The following CLEC16A variants were observed in gnomAD, a reference collection of about 807,000 sequenced individuals.
CLEC16A encodes C-type lectin domain containing 16A.
CLEC16A carries 51 observed loss-of-function variants against 109.5 expected under a neutral mutation model. The ratio of observed to expected loss-of-function variants is 0.47; its 90% CI spans 0.37 to 0.59. The LOEUF (loss-of-function observed/expected upper bound fraction) is 0.59, where lower values mean the gene tolerates loss of function less well. CLEC16A is among the 20% of genes least tolerant of loss of function. CLEC16A has a pLI of 0.00. For missense variants in CLEC16A, 1,339 were observed against 1,394.0 expected (o/e 0.96, Z 0.63); for synonymous variants, 673 against 564.2 (o/e 1.19, Z -2.73).
At chr16:10,980,539 G>T (rs1459286369) in intron 9 of CLEC16A, among the ~76,000 whole-genome samples, 3 of 152,042 alleles carry the variant, frequency 2.0e-5, no homozygotes, top group Non-Finnish European at 4.4e-5. Flanking sequence ...CCCGGGCAGG[G>T]TCTCCTCCAG....
chr16:11,041,333 T>G (rs750382444), intron 14 of CLEC16A: 1 of 152,262 alleles, frequency 6.6e-6, no homozygotes, highest in Non-Finnish European at 1.5e-5. Flanking sequence ...AGAGCTCTCT[T>G]GGTCTTGACA....
In CLEC16A at chr16:11,166,317, G is replaced by A. The variant is rs1196840413; in HGVS notation, c.2642-71G>A. 16 of 1,486,746 alleles carry A rather than the reference G, an allele frequency of 1.1e-5. No homozygotes were observed. In the Admixed American group the frequency reaches 3.0e-4, roughly 28 times the overall value. 92.1% of individuals were successfully genotyped at this position (1,486,746 alleles called of 1,614,324 possible). A position where few individuals can be genotyped will look rare whatever the true frequency, so the allele number is the denominator to read the frequency against. ...AGGAACTGAGGTTGGGTTGTTCAGT[G>A]GAACCATGACATTGAGGCCCTCAGG... is the stretch of plus-strand genomic sequence containing the variant. On this transcript the variant is annotated intron_variant, in intron 22 of 23. Transcript: ENST00000409790.
At chr16:10,987,629 G>C (rs114777970) in intron 10 of CLEC16A, among the ~76,000 whole-genome samples, 90 of 152,342 alleles carry the variant, frequency 5.9e-4, no homozygotes, top group African/African-American at 1.9e-3. Flanking sequence ...GTGTGAAGTT[G>C]AAGTTGGTTG....
At chr16:11,004,900 G>A (rs2044899502) in intron 11 of CLEC16A, among the ~76,000 whole-genome samples, 1 of 152,150 alleles carries the variant, frequency 6.6e-6, no homozygotes, top group African/African-American at 2.4e-5. Flanking sequence ...GTGGTGGGGA[G>A]GGGAAGGCCA....
intron 19 of CLEC16A, among the ~76,000 whole-genome samples, chr16:11,097,038 A>T (rs1036738922): frequency 4.6e-5 from 7 of 152,212 alleles, no homozygotes; most frequent in African/African-American, 1.7e-4. Context: ...GGGCCTGCCA[A>T]GATTTAGTTT....
chr16:10,944,973 C>A (rs1035068274), intron 1 of CLEC16A, among the ~76,000 whole-genome samples, 176 bp downstream of exon 1: 4 of 152,190 alleles, frequency 2.6e-5, no homozygotes, highest in East Asian at 3.9e-4. Flanking sequence ...GAACCCTGAC[C>A]CCGTCGCTCT....
intron 22 of CLEC16A, among the ~76,000 whole-genome samples, chr16:11,163,903 A>G (rs1262765903): frequency 6.6e-6 from 1 of 152,170 alleles, no homozygotes; most frequent in African/African-American, 2.4e-5. Flanking sequence ...TTAAGGGGTA[A>G]TTCATTTTCG....
intron 20 of CLEC16A, among the ~76,000 whole-genome samples, chr16:11,122,498 C>G (rs1412119316): frequency 6.6e-6 from 1 of 152,204 alleles, no homozygotes; most frequent in African/African-American, 2.4e-5. Context: ...TGGCCGTCTT[C>G]CAATGGGTGC....
At chr16:11,039,133 G>T (rs1430943118) in intron 13 of CLEC16A, among the ~76,000 whole-genome samples, 1 of 152,074 alleles carries the variant, frequency 6.6e-6, no homozygotes. Context: ...AGTGAGTTGT[G>T]CTATGGGATG....
intron 11 of CLEC16A, among the ~76,000 whole-genome samples, chr16:11,005,755 C>T (rs996319640): frequency 6.6e-6 from 1 of 152,080 alleles, no homozygotes; most frequent in African/African-American, 2.4e-5. Context: ...TCCTGTGAGT[C>T]GGAAGGGTGT....
At chr16:11,052,951 T>C (rs2048028544) in intron 18 of CLEC16A, among the ~76,000 whole-genome samples, 1 of 152,098 alleles carries the variant, frequency 6.6e-6, no homozygotes, top group South Asian at 2.1e-4. Context: ...TGGAGTGCAG[T>C]GTTGCGATCA....
intron 22 of CLEC16A, among the ~76,000 whole-genome samples, chr16:11,139,431 C>G (rs1200727491): frequency 1.3e-5 from 2 of 152,212 alleles, no homozygotes; most frequent in South Asian, 4.1e-4. Flanking sequence ...ATGCTTTTCT[C>G]CAAAAACACA....
At chr16:10,999,736 A>G (rs1439052113) in intron 10 of CLEC16A, among the ~76,000 whole-genome samples, 3 of 152,082 alleles carry the variant, frequency 2.0e-5, no homozygotes, top group Non-Finnish European at 4.4e-5. Context: ...TCATTCTTGC[A>G]GCTGATTTTT....
At chr16:11,007,197 GC>G (rs2045078176) in intron 11 of CLEC16A, among the ~76,000 whole-genome samples, 1 of 152,142 alleles carries the variant, frequency 6.6e-6, no homozygotes. Flanking sequence ...CACCTTCAAA[GC>G]CTACTCATTT....
At chr16:11,125,064 A>C (rs542648413) in intron 21 of CLEC16A, among the ~76,000 whole-genome samples, 6 of 152,250 alleles carry the variant, frequency 3.9e-5, no homozygotes, top group African/African-American at 1.4e-4. Flanking sequence ...ACTCCATCTT[A>C]GGAGACGGGG....
chr16:11,020,150 A>C, intron 11 of CLEC16A, 43 bp from the exon 12 acceptor site: 1 of 1,565,796 alleles, frequency 6.4e-7, no homozygotes, highest in South Asian at 1.2e-5. Context: ...TCTAGGGCTG[A>C]AAAGCTGTCT....
chr16:10,953,849 C>T (rs1281487790), intron 1 of CLEC16A, among the ~76,000 whole-genome samples: 1 of 151,996 alleles, frequency 6.6e-6, no homozygotes, highest in East Asian at 1.9e-4. Context: ...TGCTGGCGGG[C>T]GCCTGTAGTC....
rs746074749 is a variant in CLEC16A at position 10,962,425 on chromosome 16, G to T, written c.210-30G>T. The T allele has an allele frequency of 3.1e-6, 5 of 1,613,534 alleles. No individual in the cohort carries two copies. In the Admixed American group the frequency reaches 8.3e-5, roughly 27 times the overall value. On this transcript the variant is annotated intron_variant, in intron 2 of 23. Coordinates refer to ENST00000409790, the MANE Select transcript of CLEC16A (RefSeq NM_015226.3). ...TTTCTGTTTCCACATGTGGAAGCAA[G>T]CCACTGATGCTTTTCCATTCTCTCC...
chr16:10,964,560 T>G (rs1327491779), intron 3 of CLEC16A, among the ~76,000 whole-genome samples: 1 of 152,124 alleles, frequency 6.6e-6, no homozygotes, highest in Non-Finnish European at 1.5e-5. Context: ...AGGCACAGGG[T>G]CTGGCAGATA....
Sources: gnomAD v4.1 joint callset for allele counts (sites outside exome capture counted in the v4.1 genomes callset) on GRCh38, gnomAD v4.1.1 for gene constraint, MANE v1.5 for transcripts, NCBI Gene and HGNC (gene_info 2026-07-23, HGNC 2026-07-21) for gene names.